NOS3: variants seen among roughly 807,000 people sequenced by gnomAD.
NOS3 encodes the protein NOS type III.
NOS3 carries 98 observed loss-of-function variants against 144.9 expected under a neutral mutation model. The ratio of observed to expected loss-of-function variants is 0.68; its 90% CI spans 0.57 to 0.80. NOS3 has a LOEUF of 0.80. NOS3 is among the 30% of genes least tolerant of loss of function. NOS3 has a pLI of 0.00. For missense variants in NOS3, 1,465 were observed against 1,656.4 expected, an observed-to-expected ratio of 0.88 and a Z score of 2.01; for synonymous variants, 714 against 702.4, an observed-to-expected ratio of 1.02 and a Z score of -0.26.
chr7:151,012,574 A>G (rs1795329603), intron 24 of NOS3, 102 bp downstream of exon 24: 7 of 1,384,626 alleles, frequency 5.1e-6, no homozygotes, highest in Non-Finnish European at 6.9e-6. Flanking sequence ...GGCAGGAAAC[A>G]AAGTCCACAA....
At chr7:151,005,209 T>C (rs962431147) in intron 14 of NOS3, among the ~76,000 whole-genome samples, 8 of 152,230 alleles carry the variant, frequency 5.3e-5, no homozygotes, top group Non-Finnish European at 7.3e-5. Context: ...TACAGAGTTG[T>C]ACATTTACAA....
rs145765422 is a variant in NOS3, at chr7:151,010,165, C to G, written c.2563C>G (p.Leu855Val). 1.6e-5 allele frequency: 26 copies of G among 1,610,920 alleles called. No individual in the cohort carries two copies. The highest frequency in any genetic ancestry group is 2.0e-5 in the Non-Finnish European group (24 of 1,179,154). ...VRDPRLPPCTLRQALTFFLDI... is the reference protein window; with the variant it reads ...VRDPRLPPCTVRQALTFFLDI... Reference sequence around the variant, plus strand: ...GGACCCCCGGCTGCCCCCGTGCACGCTGCGCCAGGCTCTCACCTTCTTCCT... The same window carrying G: ...GGACCCCCGGCTGCCCCCGTGCACGGTGCGCCAGGCTCTCACCTTCTTCCT... The change falls in exon 21 of 27, where the codon CTG becomes GTG. Residue 855 changes from leucine (L) to valine (V), a missense_variant. This residue lies in a region of NOS3 where 745 missense variants were observed against 853.9 expected (regional missense o/e 0.87). Transcript: ENST00000297494.
rs1176004188 is a variant in NOS3, at chr7:150,993,129, G to A, written c.-51-624G>A. ...TGTGTCCCCCACTTGAGTCATGGGGGTGTGGGGGTTCCAGGAAATTGGGGC... is the reference window on the plus strand; with the variant it reads ...TGTGTCCCCCACTTGAGTCATGGGGATGTGGGGGTTCCAGGAAATTGGGGC... On this transcript the variant is annotated intron_variant, in intron 1 of 26. Coordinates refer to ENST00000297494, the MANE Select transcript of NOS3 (RefSeq NM_000603.5). This position sits in a 1 kb window ranked among gnomAD's most constrained non-coding sequence, Gnocchi z 4.0. Among the ~76,000 whole-genome samples, 1 of 152,208 alleles carries A rather than the reference G, an allele frequency of 6.6e-6. No individual in the cohort carries two copies. The highest frequency in any genetic ancestry group is 1.5e-5 in the Non-Finnish European group (1 of 68,038).
At chr7:151,012,092 T>G in intron 23 of NOS3, 1 of 437,946 alleles carries the variant, frequency 2.3e-6, no homozygotes, top group Non-Finnish European at 4.2e-6. Flanking sequence ...TCTTTCACCC[T>G]TCCCACGTTT....
At chr7:150,994,859 A>C (rs1315027926) in intron 2 of NOS3, among the ~76,000 whole-genome samples, 1 of 152,176 alleles carries the variant, frequency 6.6e-6, no homozygotes, top group South Asian at 2.1e-4. Context: ...CCTCCACTCA[A>C]GCACCAGGCT....
In NOS3 at chr7:151,013,707, ACCCCGCCG is replaced by A; in HGVS notation, c.3256-10_3256-3del. The stretch of plus-strand genomic sequence containing the variant: ...CCCACCCCCACCAGGGCCCGCCCTA[ACCCCGCCG>A]CCCCGCAGACCTACGTGCAGGACAT... On this transcript the variant is annotated splice_polypyrimidine_tract_variant and intron_variant, in intron 25 of 26. Coordinates refer to ENST00000297494, the MANE Select transcript of NOS3 (RefSeq NM_000603.5). 3.8e-6 allele frequency: 6 copies of A among 1,573,752 alleles called. No homozygotes were observed. The highest frequency in any genetic ancestry group is 5.2e-6 in the Non-Finnish European group (6 of 1,160,978).
chr7:151,002,145 AG>A lies in NOS3; in HGVS notation c.1648-52del. The A allele has an allele frequency of 7.0e-7, 1 of 1,419,064 alleles. No homozygotes were observed. Among genetic ancestry groups the A allele is most frequent in the African/African-American group, 1.4e-5 (1 of 70,834 alleles). The allele number at this position is 1,419,064 out of a possible 1,614,324, so 87.9% of individuals were successfully genotyped here. A position where few individuals can be genotyped will look rare whatever the true frequency, so the allele number is the denominator to read the frequency against. ...CACTGCCAGGGAGGCCAGAGTGAGG[AG>A]GGCAGGGCCTCCGGGGGCCACAGCA... is the stretch of plus-strand genomic sequence containing the variant. On this transcript the variant is annotated intron_variant, in intron 13 of 26. Coordinates refer to ENST00000297494, the MANE Select transcript of NOS3 (RefSeq NM_000603.5). This position sits in a 1 kb window ranked among gnomAD's most constrained non-coding sequence, Gnocchi z 4.1.
chr7:150,994,023 G>A, intron 2 of NOS3, 62 bp downstream of exon 2: 4 of 1,501,196 alleles, frequency 2.7e-6, no homozygotes, highest in Non-Finnish European at 3.5e-6. Flanking sequence ...CTGAAGCCTG[G>A]GGCTGGGAAG....
chr7:151,013,220 G>A lies in NOS3; in HGVS notation c.3107-11G>A, dbSNP rs201984388. 87 of 1,609,648 alleles carry A rather than the reference G, an allele frequency of 5.4e-5. 1 individual carries two copies. The highest frequency in any genetic ancestry group is 2.5e-6 in the Non-Finnish European group (3 of 1,177,426). ...GGAGAAGAGCCTTCCCAAGCGCGGG[G>A]TTGCTTGCAGGGCTGCAGCCCACTC... On this transcript the variant is annotated splice_polypyrimidine_tract_variant and intron_variant, in intron 24 of 26. Transcript: ENST00000297494.
At chr7:150,999,744 TG>T (rs1205808641) in intron 9 of NOS3, among the ~76,000 whole-genome samples, 4 of 129,360 alleles carry the variant, frequency 3.1e-5, no homozygotes, top group African/African-American at 9.1e-5. Flanking sequence ...TGTGGGTTTG[TG>T]GGGGTAGGTG....
chr7:150,997,468 C>T (rs900604017), intron 5 of NOS3, among the ~76,000 whole-genome samples: 5 of 152,122 alleles, frequency 3.3e-5, no homozygotes, highest in African/African-American at 1.2e-4. Context: ...TCCCCTGCTT[C>T]GGCCCGCACC....
intron 25 of NOS3, 49 bp from the exon 26 acceptor site, chr7:151,013,675 C>T: frequency 6.9e-7 from 1 of 1,441,168 alleles, no homozygotes; most frequent in Non-Finnish European, 9.4e-7. Context: ...CGGGCTGCGC[C>T]CCCGCGCCCA....
intron 1 of NOS3, among the ~76,000 whole-genome samples, chr7:150,991,996 CAA>C (rs796976419): frequency 1.2e-4 from 13 of 106,674 alleles, no homozygotes; most frequent in African/African-American, 1.3e-4. Context: ...GACTCTGTCT[CAA>C]AAAAAAAAAA....
At chr7:151,000,149 G>C (rs926130828) in intron 9 of NOS3, among the ~76,000 whole-genome samples, 1 of 146,340 alleles carries the variant, frequency 6.8e-6, no homozygotes, top group Non-Finnish European at 1.5e-5. Flanking sequence ...GGTGAGGGGG[G>C]CATGGGGATG....
chr7:150,998,225 G>T lies in NOS3; in HGVS notation c.583-132G>T. 1 of 725,336 alleles carries T rather than the reference G, an allele frequency of 1.4e-6. No homozygotes were observed. 44.9% of individuals were successfully genotyped at this position (725,336 alleles called of 1,614,324 possible). On this transcript the variant is annotated intron_variant, in intron 5 of 26. Coordinates refer to ENST00000297494, the MANE Select transcript of NOS3 (RefSeq NM_000603.5). This position sits in a 1 kb window ranked among gnomAD's most constrained non-coding sequence, Gnocchi z 5.0. ...AGGGCAGGAAGGGATCAGTGTGGCT[G>T]CCAATGGTCAGGAGGGCGCCATGGA...
Position 150,996,890 on chromosome 7 carries a change from C to A in NOS3, c.547C>A (p.Arg183Ser). The A allele has an allele frequency of 6.3e-7, 1 of 1,581,784 alleles. No homozygotes were observed. The highest frequency in any genetic ancestry group is 1.2e-5 in the South Asian group (1 of 86,720). The change falls in exon 5 of 27, where the codon CGC (arginine) becomes AGC (serine). Residue 183 changes from arginine to serine, a missense_variant. Coordinates refer to ENST00000297494, the MANE Select transcript of NOS3 (RefSeq NM_000603.5). ...GAKQAWRNAP[R>S]CVGRIQWGKL... ...TAAGCAGGCCTGGCGCAACGCTCCCCGCTGCGTGGGCCGGATCCAGTGGGG... is the reference window on the plus strand; with the variant it reads ...TAAGCAGGCCTGGCGCAACGCTCCCAGCTGCGTGGGCCGGATCCAGTGGGG...
At chr7:150,992,027 G>A (rs1183926839) in intron 1 of NOS3, among the ~76,000 whole-genome samples, 1 of 151,842 alleles carries the variant, frequency 6.6e-6, no homozygotes, top group African/African-American at 2.4e-5. Flanking sequence ...CAGGCGTGGT[G>A]GTGGGTGCCT....
chr7:151,009,326 C>A, intron 19 of NOS3, 59 bp downstream of exon 19: 1 of 1,290,326 alleles, frequency 7.7e-7, no homozygotes, highest in South Asian at 1.3e-5. Context: ...GACCCTGGAC[C>A]CTCCTCCTCC....
At position 151,013,313 on chromosome 7, in the gene NOS3, C is replaced by T. The variant is rs141415941; in HGVS notation, c.3189C>T (p.Asn1063=). Reference sequence around the variant, plus strand: ...ATCTCTACCGCGACGAGGTGCAGAACGCCCAGCAGCGCGGGGTGTTTGGCC... The same window carrying T: ...ATCTCTACCGCGACGAGGTGCAGAATGCCCAGCAGCGCGGGGTGTTTGGCC... ...LDHLYRDEVQ[N]AQQRGVFGRV... is the part of the protein sequence containing the mutation. Residue 1063 remains asparagine, a synonymous_variant, in exon 25 of 27, where the codon AAC becomes AAT. Transcript: ENST00000297494. 1.9e-6 allele frequency: 3 copies of T among 1,613,966 alleles called. No individual in the cohort carries two copies. Among genetic ancestry groups the T allele is most frequent in the African/African-American group, 2.7e-5 (2 of 74,954 alleles).
Sources: gnomAD v4.1 joint callset for allele counts (sites outside exome capture counted in the v4.1 genomes callset) on GRCh38, gnomAD v4.1.1 for gene constraint, gnomAD v4.1.1 regional missense constraint, Gnocchi (gnomAD v3.1) non-coding constraint, MANE v1.5 for transcripts, NCBI Gene and HGNC (gene_info 2026-07-23, HGNC 2026-07-21) for gene names.